RAB38: variants seen among roughly 807,000 people sequenced by gnomAD.
The protein encoded by RAB38 is ras-related protein Rab-38.
RAB38 carries 15 observed loss-of-function variants against 18.4 expected under a neutral mutation model. The ratio of observed to expected loss-of-function variants is 0.82; its 90% CI spans 0.55 to 1.26. The LOEUF is 1.26. Ranked by LOEUF, RAB38 falls within the 50% of genes most tolerant of loss-of-function variation. The pLI, the probability that RAB38 is intolerant of heterozygous loss-of-function variation, is 0.00. For missense variants in RAB38, 294 were observed against 267.4 expected, an observed-to-expected ratio of 1.10 and a Z score of -0.69; for synonymous variants, 101 against 104.4, an observed-to-expected ratio of 0.97 and a Z score of 0.20.
At chr11:87,904,750 T>C in the RAB38 span, among the ~76,000 whole-genome samples, 1 of 151,748 alleles carries the variant, frequency 6.6e-6, no homozygotes, top group Non-Finnish European at 1.5e-5. Flanking sequence ...TCTGTTGTTT[T>C]TTTGACTTTT....
chr11:88,056,605 C>G, the RAB38 span, among the ~76,000 whole-genome samples: 14 of 151,976 alleles, frequency 9.2e-5, no homozygotes, highest in Non-Finnish European at 2.1e-4. Context: ...GAGTTTGAGA[C>G]CATCCTGGCT....
the RAB38 span, among the ~76,000 whole-genome samples, chr11:87,860,500 A>C: frequency 6.6e-6 from 1 of 152,012 alleles, no homozygotes. Context: ...AAAGGATAAG[A>C]TAAAGTGAGA....
At chr11:87,977,399 A>T in the RAB38 span, among the ~76,000 whole-genome samples, 4 of 52,936 alleles carry the variant, frequency 7.6e-5, no homozygotes, top group Non-Finnish European at 1.4e-4. Flanking sequence ...TTATATATAT[A>T]ATTATATTAT....
At chr11:88,070,167 G>T in the RAB38 span, among the ~76,000 whole-genome samples, 3 of 152,106 alleles carry the variant, frequency 2.0e-5, no homozygotes, top group Non-Finnish European at 4.4e-5. Flanking sequence ...CACCACGAAG[G>T]TCTGCAGCTT....
At chr11:88,120,562 T>C (rs913357197) in intron 2 of RAB38, among the ~76,000 whole-genome samples, 3 of 152,152 alleles carry the variant, frequency 2.0e-5, no homozygotes, top group Admixed American at 2.0e-4. Flanking sequence ...CTGAGCCACA[T>C]TGTCACTTAT....
the RAB38 span, among the ~76,000 whole-genome samples, chr11:88,037,703 C>T: frequency 6.6e-6 from 1 of 152,122 alleles, no homozygotes; most frequent in African/African-American, 2.4e-5. Flanking sequence ...TCTTTTGTGT[C>T]TGCCTTCTTT....
the RAB38 span, among the ~76,000 whole-genome samples, chr11:87,842,122 G>A: frequency 6.6e-6 from 1 of 152,124 alleles, no homozygotes; most frequent in Non-Finnish European, 1.5e-5. Flanking sequence ...AAGTGTTATG[G>A]ATGAATAAAG....
chr11:87,946,960 C>G, the RAB38 span, among the ~76,000 whole-genome samples: 7 of 151,442 alleles, frequency 4.6e-5, no homozygotes, highest in Admixed American at 4.0e-4. Context: ...CCTGAGGAAT[C>G]GCCACACTGA....
the RAB38 span, among the ~76,000 whole-genome samples, chr11:88,078,729 G>C: frequency 2.0e-5 from 3 of 151,928 alleles, no homozygotes; most frequent in South Asian, 6.2e-4. Flanking sequence ...GGGAAAAGTA[G>C]GGGGAAGACA....
At chr11:88,028,688 A>T in the RAB38 span, among the ~76,000 whole-genome samples, 2 of 152,214 alleles carry the variant, frequency 1.3e-5, no homozygotes, top group African/African-American at 2.4e-5. Flanking sequence ...AAAAAAGAAT[A>T]AAAAGAAATG....
chr11:88,004,012 A>T, the RAB38 span, among the ~76,000 whole-genome samples: 15 of 138,042 alleles, frequency 1.1e-4, no homozygotes, highest in African/African-American at 1.1e-4. Context: ...AAAAAGGTAT[A>T]TGTACCTTCT....
chr11:87,841,524 T>G, the RAB38 span, among the ~76,000 whole-genome samples: 2 of 152,220 alleles, frequency 1.3e-5, no homozygotes, highest in Non-Finnish European at 2.9e-5. Flanking sequence ...CTCAATTTTA[T>G]TTGCCTACCA....
the RAB38 span, among the ~76,000 whole-genome samples, chr11:88,024,970 G>A: frequency 6.6e-6 from 1 of 152,068 alleles, no homozygotes; most frequent in Non-Finnish European, 1.5e-5. Flanking sequence ...GGAGAGACTA[G>A]AGTCAATAAT....
the RAB38 span, among the ~76,000 whole-genome samples, chr11:88,039,097 T>G: frequency 1 from 151,879 of 152,310 alleles, 75,728 homozygotes; most frequent in Middle Eastern, 1. Flanking sequence ...GCTGAACCTT[T>G]AAAGAGGAGT....
chr11:87,814,808 A>T, the RAB38 span, among the ~76,000 whole-genome samples: 2 of 150,032 alleles, frequency 1.3e-5, no homozygotes. Flanking sequence ...ATCTCGGCTC[A>T]CCGCAAGCTC....
the RAB38 span, among the ~76,000 whole-genome samples, chr11:87,877,145 G>A: frequency 2.6e-5 from 4 of 151,462 alleles, no homozygotes; most frequent in Admixed American, 6.6e-5. Context: ...AGTACCATAC[G>A]TGCTGAGGAC....
chr11:88,107,421 T>C, the RAB38 span, among the ~76,000 whole-genome samples: 1 of 152,142 alleles, frequency 6.6e-6, no homozygotes, highest in African/African-American at 2.4e-5. Flanking sequence ...TCTTCAATTT[T>C]AAAAATAAGC....
chr11:87,974,187 C>T, the RAB38 span, among the ~76,000 whole-genome samples: 1 of 149,952 alleles, frequency 6.7e-6, no homozygotes, highest in African/African-American at 2.5e-5. Flanking sequence ...TTAGAATTTG[C>T]AGAAAATGAA....
the RAB38 span, among the ~76,000 whole-genome samples, chr11:88,023,354 C>G: frequency 6.7e-6 from 1 of 149,318 alleles, no homozygotes; most frequent in Non-Finnish European, 1.5e-5. Context: ...GAAGTGAAAG[C>G]TCTCTACAAA....
Sources: gnomAD v4.1 joint callset for allele counts (sites outside exome capture counted in the v4.1 genomes callset) on GRCh38, gnomAD v4.1.1 for gene constraint, MANE v1.5 for transcripts, NCBI Gene and HGNC (gene_info 2026-07-23, HGNC 2026-07-21) for gene names.